The following BPHL variants were observed in gnomAD, a reference collection of about 807,000 sequenced individuals.
The protein encoded by BPHL is serine hydrolase BPHL.
In BPHL, 27 loss-of-function variants were observed where a neutral mutation model predicts 31.2. The observed-to-expected ratio is 0.87, with a 90% CI of 0.64 to 1.19. The LOEUF is 1.19. Ranked by LOEUF, BPHL falls within the 50% of genes most tolerant of loss-of-function variation. BPHL has a pLI of 0.00. For missense variants in BPHL, 356 were observed against 375.7 expected (o/e 0.95, Z 0.43); for synonymous variants, 150 against 146.8 (o/e 1.02, Z -0.16).
intron 6 of BPHL, among the ~76,000 whole-genome samples, chr6:3,141,485 A>C (rs1762175034): frequency 6.6e-6 from 1 of 152,170 alleles, no homozygotes; most frequent in Non-Finnish European, 1.5e-5. Flanking sequence ...CTCCCACCTC[A>C]GTCTCCCAAA....
Position 3,140,505 on chromosome 6 carries a change from T to C in BPHL, c.784T>C (p.Ser262Pro). Residue 262 changes from serine to proline, a missense_variant, in exon 6 of 7, where the codon TCA (serine) becomes CCA (proline). Physicochemically the swap from Ser to Pro is moderately conservative, Grantham distance 74. Coordinates refer to ENST00000380379, the MANE Select transcript of BPHL (RefSeq NM_004332.4). This position sits in a 1 kb window ranked among gnomAD's most constrained non-coding sequence, Gnocchi z 5.2. ...ADFIHKHVKG[S>P]RLHLMPEGKH... ...CTTCATTCATAAGCACGTGAAAGGC[T>C]CACGGTAAGTCCTGTCACCGCCTTC... 1 of 1,613,980 alleles carries C rather than the reference T, an allele frequency of 6.2e-7. No homozygotes were observed. Among genetic ancestry groups the C allele is most frequent in the Non-Finnish European group, 8.5e-7 (1 of 1,180,002 alleles).
At chr6:3,146,593 T>TCGAGTGCTGGTTTGGG in intron 6 of BPHL, among the ~76,000 whole-genome samples, 1 of 86,798 alleles carries the variant, frequency 1.2e-5, no homozygotes. Context: ...CTGGTTTGGG[T>TCGAGTGCTGGTTTGGG]TCGGGGTGGA....
chr6:3,146,179 G>GT (rs1762348006), intron 6 of BPHL, among the ~76,000 whole-genome samples: 1 of 58,190 alleles, frequency 1.7e-5, no homozygotes, highest in Non-Finnish European at 3.8e-5. Context: ...GTGCTGGTTC[G>GT]GGGTGGAGTG....
intron 4 of BPHL, among the ~76,000 whole-genome samples, chr6:3,133,129 G>A (rs73718968): frequency 0.069 from 10,532 of 152,146 alleles, 1,003 homozygotes; most frequent in African/African-American, 0.21. Context: ...TCCATGTAAG[G>A]TCTCTGATTC....
chr6:3,118,649 G>T, upstream of BPHL: 1 of 897,934 alleles, frequency 1.1e-6, no homozygotes. Flanking sequence ...GAGGTGGGCG[G>T]AGCAGAGGGC....
intron 3 of BPHL, among the ~76,000 whole-genome samples, chr6:3,128,466 G>T (rs192405114): frequency 2.6e-5 from 4 of 151,770 alleles, no homozygotes; most frequent in Admixed American, 2.0e-4. Context: ...TTTTCTTGGC[G>T]GCCTCTCTAA....
At chr6:3,133,731 C>T (rs1285732077) in intron 4 of BPHL, among the ~76,000 whole-genome samples, 1 of 152,234 alleles carries the variant, frequency 6.6e-6, no homozygotes, top group East Asian at 1.9e-4. Context: ...ACCGCCGCCA[C>T]CCCGTGTCCA....
intron 3 of BPHL, among the ~76,000 whole-genome samples, chr6:3,128,590 C>A (rs1483238991): frequency 6.6e-6 from 1 of 152,218 alleles, no homozygotes; most frequent in African/African-American, 2.4e-5. Flanking sequence ...TGGCTCTTGC[C>A]AGTTCTTCCC....
chr6:3,131,636 T>G (rs1420935796), intron 4 of BPHL, among the ~76,000 whole-genome samples: 1 of 152,200 alleles, frequency 6.6e-6, no homozygotes, highest in Non-Finnish European at 1.5e-5. Flanking sequence ...GTCCGTGCAG[T>G]TTGGCTGGCC....
intron 5 of BPHL, chr6:3,139,907 AGCGAT>A (rs1762124970): frequency 1.3e-5 from 2 of 157,478 alleles, no homozygotes; most frequent in African/African-American, 4.8e-5. Context: ...CAGATGCATC[AGCGAT>A]AAGGAGAAGC....
Position 3,119,033 on chromosome 6 carries a change from A to C in BPHL, c.107+186A>C, listed in dbSNP as rs547236800. ...GGGGGCCAGCCGCGCTTGGTGCTCG[A>C]GCCCCTCGATCGTGCATGCGCCTCG... is the stretch of plus-strand genomic sequence containing the variant. On this transcript the variant is annotated intron_variant, in intron 1 of 6. Transcript: ENST00000380379. Among the ~76,000 whole-genome samples the C allele has an allele frequency of 3.3e-5, 5 of 151,508 alleles. No homozygotes were observed. The East Asian group carries it at 7.8e-4, about 24-fold the overall frequency.
intron 3 of BPHL, 91 bp from the exon 4 acceptor site, chr6:3,128,954 C>G: frequency 6.4e-7 from 1 of 1,568,754 alleles, no homozygotes; most frequent in Non-Finnish European, 8.8e-7. Flanking sequence ...TCCAGCCTCA[C>G]ACCTGTATTG....
intron 4 of BPHL, among the ~76,000 whole-genome samples, chr6:3,134,017 TG>T (rs1175283109): frequency 2.0e-5 from 3 of 152,236 alleles, no homozygotes; most frequent in Non-Finnish European, 1.5e-5. Context: ...GCCAATCAAA[TG>T]GGTGTAAGAT....
At chr6:3,133,824 G>C (rs1006972045) in intron 4 of BPHL, among the ~76,000 whole-genome samples, 5 of 152,234 alleles carry the variant, frequency 3.3e-5, no homozygotes, top group Non-Finnish European at 7.3e-5. Flanking sequence ...AGGAGCAACA[G>C]TATCTCTCTA....
intron 3 of BPHL, 122 bp from the exon 4 acceptor site, chr6:3,128,923 T>C: frequency 3.4e-6 from 5 of 1,454,836 alleles, no homozygotes; most frequent in Non-Finnish European, 2.9e-6. Flanking sequence ...CTAGGGTTTT[T>C]CTTTTCTGAC....
chr6:3,137,448 G>A lies in BPHL; in HGVS notation c.619G>A (p.Glu207Lys), dbSNP rs1581475520. 6.2e-7 allele frequency: 1 copy of A among 1,613,398 alleles called. No individual in the cohort carries two copies. Among genetic ancestry groups the A allele is most frequent in the Non-Finnish European group, 8.5e-7 (1 of 1,179,936 alleles). ...GTATGACTACTTTGCCAGAACCTGT[G>A]AAAAGTGGGTGGATGGCATAAGACA... ...YGYDYFARTCEKWVDGIRQFK... is the reference protein window; with the variant it reads ...YGYDYFARTCKKWVDGIRQFK... The change falls in exon 5 of 7, where the codon GAA (glutamate) becomes AAA (lysine). Residue 207 changes from glutamate (E) to lysine (K), a missense_variant. Physicochemically the swap from Glu to Lys is moderately conservative, Grantham distance 56 (BLOSUM62 1). Coordinates refer to ENST00000380379, the MANE Select transcript of BPHL (RefSeq NM_004332.4).
At chr6:3,119,110 G>T (rs1043530488) in intron 1 of BPHL, among the ~76,000 whole-genome samples, 1 of 152,226 alleles carries the variant, frequency 6.6e-6, no homozygotes, top group African/African-American at 2.4e-5. Flanking sequence ...GCTATAGAGT[G>T]CAGCCCCTTC....
chr6:3,134,559 C>T (rs923420811), intron 4 of BPHL, among the ~76,000 whole-genome samples: 1 of 151,176 alleles, frequency 6.6e-6, no homozygotes, highest in Non-Finnish European at 1.5e-5. Flanking sequence ...GCCTCAGCCT[C>T]CCAAGTAGCT....
chr6:3,150,869 A>G (rs3799219), intron 6 of BPHL, among the ~76,000 whole-genome samples: 12,849 of 152,254 alleles, frequency 0.084, 783 homozygotes, highest in African/African-American at 0.17. Context: ...ACTCTCTTCT[A>G]TCTGTCTGTC....
Sources: allele counts gnomAD v4.1 joint callset (sites outside exome capture counted in the v4.1 genomes callset), GRCh38; gene constraint gnomAD v4.1.1; non-coding constraint Gnocchi (gnomAD v3.1); transcripts MANE v1.5; gene names NCBI Gene and HGNC (gene_info 2026-07-23, HGNC 2026-07-21).